The following RLIG1 variants were observed in gnomAD, a reference collection of about 807,000 sequenced individuals.
The protein encoded by RLIG1 is RNA ligase 1.
the RLIG1 span, among the ~76,000 whole-genome samples, chr12:88,038,750 G>C: frequency 6.6e-6 from 1 of 152,130 alleles, no homozygotes; most frequent in Non-Finnish European, 1.5e-5. Context: ...ACTGAATCAA[G>C]GATAGAATAG....
At chr12:88,043,503 T>C in the RLIG1 span, 1 of 679,476 alleles carries the variant, frequency 1.5e-6, no homozygotes, top group Non-Finnish European at 2.4e-6. Context: ...CCTGATATTA[T>C]GAGGTTTTAG....
chr12:88,041,795 A>G, the RLIG1 span: 1 of 152,324 alleles, frequency 6.6e-6, no homozygotes, highest in East Asian at 1.9e-4. Flanking sequence ...ACTGTGCAGC[A>G]GTTTCTTTAT....
the RLIG1 span, chr12:88,045,620 T>C: frequency 1.9e-6 from 3 of 1,612,730 alleles, no homozygotes; most frequent in South Asian, 1.1e-5. Context: ...ACAGTATTGC[T>C]GGCATTCCTC....
At chr12:88,038,895 G>A in the RLIG1 span, among the ~76,000 whole-genome samples, 1 of 152,160 alleles carries the variant, frequency 6.6e-6, no homozygotes, top group Non-Finnish European at 1.5e-5. Flanking sequence ...TTCAGCCTGT[G>A]CTTATAATAG....
At chr12:88,035,588 CGACTG>C in the RLIG1 span, 16 of 1,526,236 alleles carry the variant, frequency 1.0e-5, no homozygotes, top group Non-Finnish European at 1.3e-5. Flanking sequence ...GGCTTCTCCG[CGACTG>C]GACCGGGCGC....
At chr12:88,047,499 T>A in the RLIG1 span, among the ~76,000 whole-genome samples, 2 of 152,178 alleles carry the variant, frequency 1.3e-5, no homozygotes, top group African/African-American at 4.8e-5. Flanking sequence ...ACTTGGATAT[T>A]AATTTTAACC....
At chr12:88,044,039 A>AG in the RLIG1 span, 1 of 271,574 alleles carries the variant, frequency 3.7e-6, no homozygotes, top group South Asian at 4.2e-5. Flanking sequence ...TGGGAGGCTG[A>AG]GGTGGGTGGA....
chr12:88,049,040 T>C, the RLIG1 span: 1 of 447,118 alleles, frequency 2.2e-6, no homozygotes, highest in African/African-American at 2.1e-5. Flanking sequence ...CATATAATTT[T>C]ATTTATTAAG....
At chr12:88,049,180 A>G in the RLIG1 span, 2 of 1,538,524 alleles carry the variant, frequency 1.3e-6, no homozygotes, top group Non-Finnish European at 1.8e-6. Flanking sequence ...TTTATAGGTG[A>G]CCTTTAGTAA....
the RLIG1 span, among the ~76,000 whole-genome samples, chr12:88,036,539 T>G: frequency 3.3e-5 from 5 of 152,212 alleles, no homozygotes; most frequent in African/African-American, 4.8e-5. Flanking sequence ...CCCTGTTATC[T>G]TTAGTCCCAG....
the RLIG1 span, chr12:88,044,052 G>T: frequency 7.7e-6 from 2 of 258,222 alleles, no homozygotes; most frequent in Non-Finnish European, 1.5e-5. Context: ...TGGGTGGATT[G>T]CTTGAGCCTA....
chr12:88,047,749 A>G, the RLIG1 span, among the ~76,000 whole-genome samples: 1 of 152,096 alleles, frequency 6.6e-6, no homozygotes, highest in Admixed American at 6.6e-5. Context: ...TCTGGCCCCT[A>G]CTTAATTTCC....
At chr12:88,047,337 T>TTGA in the RLIG1 span, among the ~76,000 whole-genome samples, 2 of 152,128 alleles carry the variant, frequency 1.3e-5, no homozygotes, top group Admixed American at 6.5e-5. Context: ...AAGGTAGCAG[T>TTGA]TGATATATAC....
At chr12:88,040,723 T>G in the RLIG1 span, among the ~76,000 whole-genome samples, 1 of 152,154 alleles carries the variant, frequency 6.6e-6, no homozygotes, top group Non-Finnish European at 1.5e-5. Context: ...TAATTTCACT[T>G]TAATGTAGTT....
At chr12:88,045,352 A>G in the RLIG1 span, 1 of 418,704 alleles carries the variant, frequency 2.4e-6, no homozygotes, top group Non-Finnish European at 4.2e-6. Flanking sequence ...AGAGAATGCT[A>G]GGTGCTGTGT....
At chr12:88,036,879 TATC>T in the RLIG1 span, among the ~76,000 whole-genome samples, 1 of 152,194 alleles carries the variant, frequency 6.6e-6, no homozygotes, top group African/African-American at 2.4e-5. Context: ...TATGAAACAT[TATC>T]ATCTGTTTTA....
chr12:88,048,189 G>C, the RLIG1 span: 1 of 1,392,464 alleles, frequency 7.2e-7, no homozygotes, highest in East Asian at 2.6e-5. Context: ...AGTGAATGAA[G>C]ATAGTATCTG....
the RLIG1 span, chr12:88,040,149 C>T: frequency 6.3e-7 from 1 of 1,584,786 alleles, no homozygotes; most frequent in Non-Finnish European, 8.7e-7. Flanking sequence ...TTTTTTAAGC[C>T]ATTTAAAGTT....
chr12:88,046,861 A>C, the RLIG1 span: 1 of 1,613,170 alleles, frequency 6.2e-7, no homozygotes, highest in Non-Finnish European at 8.5e-7. Context: ...GGAGCATTTC[A>C]AATAAGAAAT....
Sources: allele counts gnomAD v4.1 joint callset (sites outside exome capture counted in the v4.1 genomes callset), GRCh38; gene constraint gnomAD v4.1.1; transcripts MANE v1.5; gene names NCBI Gene and HGNC (gene_info 2026-07-23, HGNC 2026-07-21).